Variants in PTPN4 observed in about 807,000 individuals in gnomAD.
PTPN4 encodes tyrosine-protein phosphatase non-receptor type 4.
Under a neutral mutation model 135.5 loss-of-function variants are expected in PTPN4, and 49 were observed. The observed-to-expected ratio is 0.36, with a 90% CI of 0.29 to 0.46. PTPN4 has a LOEUF of 0.46. Among genes scored for constraint, PTPN4 ranks in the 20% least tolerant of loss-of-function variants. The probability of loss-of-function intolerance (pLI) is 1.00; values close to 1 mark genes in which losing one functional copy is unlikely to be tolerated. For synonymous variants in PTPN4, 333 were observed against 369.9 expected (o/e 0.90, Z 1.14); for missense variants, 860 against 1,101.0 (o/e 0.78, Z 3.10).
At chr2:119,888,567 T>A (rs1265537165) in intron 9 of PTPN4, among the ~76,000 whole-genome samples, 1 of 152,342 alleles carries the variant, frequency 6.6e-6, no homozygotes, top group African/African-American at 2.4e-5. Flanking sequence ...GCTTTTACAA[T>A]GTCTTTTGAG....
chr2:119,848,224 A>G (rs1394443747), intron 2 of PTPN4, among the ~76,000 whole-genome samples: 3 of 142,834 alleles, frequency 2.1e-5, no homozygotes, highest in Admixed American at 7.3e-5. Flanking sequence ...CCCAGGCTGG[A>G]GTGCAGTGGC....
At chr2:119,811,134 A>G (rs1373504020) in intron 2 of PTPN4, among the ~76,000 whole-genome samples, 1 of 152,188 alleles carries the variant, frequency 6.6e-6, no homozygotes, top group African/African-American at 2.4e-5. Flanking sequence ...AATGTAAATG[A>G]TGAGTTGATG....
At chr2:119,939,988 G>A (rs1359135952) in intron 15 of PTPN4, among the ~76,000 whole-genome samples, 3 of 152,138 alleles carry the variant, frequency 2.0e-5, no homozygotes, top group Admixed American at 6.5e-5. Flanking sequence ...ACAGGTCCCC[G>A]GACACTGTAG....
rs1004545139 is a variant in PTPN4 at position 119,978,690 on chromosome 2, A to G, written c.*1620A>G. 16 of 152,070 alleles carry G rather than the reference A, an allele frequency of 1.1e-4. No homozygotes were observed. The highest frequency in any genetic ancestry group is 3.9e-4 in the African/African-American group (16 of 41,446). 9.4% of individuals were successfully genotyped at this position (152,070 alleles called of 1,614,324 possible). A position where few individuals can be genotyped will look rare whatever the true frequency, so the allele number is the denominator to read the frequency against. On this transcript the variant is annotated 3_prime_UTR_variant, in exon 27 of 27. Coordinates refer to ENST00000263708, the MANE Select transcript of PTPN4 (RefSeq NM_002830.4). Reference sequence around the variant, plus strand: ...TATTTTACACAATTATTTTATGTGGATTGGGGTTTTAAAAGATTCATTTCC... The same window carrying G: ...TATTTTACACAATTATTTTATGTGGGTTGGGGTTTTAAAAGATTCATTTCC...
At chr2:119,786,971 A>G (rs926094645) in intron 1 of PTPN4, among the ~76,000 whole-genome samples, 2 of 152,178 alleles carry the variant, frequency 1.3e-5, no homozygotes, top group Admixed American at 6.5e-5. Context: ...TTTAACTACT[A>G]TACATTTGGA....
At chr2:119,844,381 T>C (rs1160721652) in intron 2 of PTPN4, among the ~76,000 whole-genome samples, 4 of 119,624 alleles carry the variant, frequency 3.3e-5, no homozygotes, top group Admixed American at 1.7e-4. Context: ...CCGGACGGGG[T>C]GGCTGCCGGG....
At chr2:119,881,660 T>C (rs1373216610) in intron 5 of PTPN4, 126 bp from the exon 6 acceptor site, 1 of 620,846 alleles carries the variant, frequency 1.6e-6, no homozygotes. Flanking sequence ...TTACATGTTT[T>C]AATATGTAAA....
intron 1 of PTPN4, among the ~76,000 whole-genome samples, chr2:119,800,669 T>G (rs1199559171): frequency 6.6e-6 from 1 of 152,194 alleles, no homozygotes; most frequent in East Asian, 1.9e-4. Flanking sequence ...TTTTCTAGTA[T>G]GTTTTCTTCT....
chr2:119,917,170 A>G (rs750799044), intron 11 of PTPN4, among the ~76,000 whole-genome samples: 2 of 152,198 alleles, frequency 1.3e-5, no homozygotes, highest in African/African-American at 2.4e-5. Flanking sequence ...AGAACTTACT[A>G]TGTGCCTGGT....
rs966189322 is a variant in PTPN4, at chr2:119,978,304, CTCATT to C, written c.*1238_*1242del. On this transcript the variant is annotated 3_prime_UTR_variant, in exon 27 of 27. Transcript: ENST00000263708. The stretch of plus-strand genomic sequence containing the variant: ...ATAACTAAAATATTATTCTTTAGCA[CTCATT>C]TCAGTTAATATCAAGCTTTGTTCAC... 1 of 152,106 alleles carries C rather than the reference CTCATT, an allele frequency of 6.6e-6. No individual in the cohort carries two copies. The highest frequency in any genetic ancestry group is 2.4e-5 in the African/African-American group (1 of 41,414). 9.4% of individuals were successfully genotyped at this position (152,106 alleles called of 1,614,324 possible).
intron 1 of PTPN4, among the ~76,000 whole-genome samples, chr2:119,765,937 C>CGT (rs1690608154): frequency 2.0e-5 from 2 of 97,826 alleles, no homozygotes; most frequent in African/African-American, 6.5e-5. Context: ...TGTGTGTGCG[C>CGT]GCGCGCATGT....
rs536350407 is a variant in PTPN4 at position 119,852,572 on chromosome 2, A to G, written c.139-9964A>G. Among the ~76,000 whole-genome samples the G allele has an allele frequency of 7.9e-4, 120 of 152,052 alleles. 1 individual carries two copies. The highest frequency in any genetic ancestry group is 2.8e-3 in the African/African-American group (116 of 41,476). On this transcript the variant is annotated intron_variant, in intron 2 of 26. Coordinates refer to ENST00000263708, the MANE Select transcript of PTPN4 (RefSeq NM_002830.4). ...TTTTAGTCTTGTTTGAGGTTTGTTA[A>G]TTTCATTGATCTTTTCAAATTGACC...
At chr2:119,891,547 A>T (rs1045525644) in intron 9 of PTPN4, among the ~76,000 whole-genome samples, 1 of 152,004 alleles carries the variant, frequency 6.6e-6, no homozygotes, top group African/African-American at 2.4e-5. Flanking sequence ...CTGGTCTCGA[A>T]CTCCTGACCT....
intron 1 of PTPN4, among the ~76,000 whole-genome samples, chr2:119,761,016 C>T (rs1401434536): frequency 6.6e-6 from 1 of 152,000 alleles, no homozygotes; most frequent in African/African-American, 2.4e-5. Context: ...TATGTCTGGG[C>T]TTGCATCATG....
intron 11 of PTPN4, among the ~76,000 whole-genome samples, chr2:119,918,460 A>T (rs757269821): frequency 2.0e-5 from 3 of 152,256 alleles, no homozygotes; most frequent in Non-Finnish European, 2.9e-5. Context: ...TGATAGAAAT[A>T]TATGCCAGTG....
chr2:119,783,494 C>G (rs1346058147), intron 1 of PTPN4, among the ~76,000 whole-genome samples: 29 of 152,142 alleles, frequency 1.9e-4, no homozygotes, highest in Admixed American at 1.9e-3. Flanking sequence ...GCAAACCTTA[C>G]AAATAGTAAT....
At chr2:119,833,194 T>C (rs762879347) in intron 2 of PTPN4, among the ~76,000 whole-genome samples, 3 of 152,100 alleles carry the variant, frequency 2.0e-5, no homozygotes, top group Non-Finnish European at 4.4e-5. Context: ...TGTGGTATGG[T>C]GCAGTTTGGA....
intron 25 of PTPN4, among the ~76,000 whole-genome samples, chr2:119,967,403 C>T (rs548271237): frequency 1.3e-5 from 2 of 151,860 alleles, no homozygotes; most frequent in Admixed American, 6.6e-5. Flanking sequence ...GAGCCGAGAT[C>T]GCACCACTGC....
chr2:119,844,771 G>A (rs1375563683), intron 2 of PTPN4, among the ~76,000 whole-genome samples: 1 of 142,418 alleles, frequency 7.0e-6, no homozygotes, highest in Non-Finnish European at 1.5e-5. Context: ...TTTCCAGACT[G>A]GGCAGCCAGG....
Sources: gnomAD v4.1 joint callset for allele counts (sites outside exome capture counted in the v4.1 genomes callset) on GRCh38, gnomAD v4.1.1 for gene constraint, MANE v1.5 for transcripts, NCBI Gene and HGNC (gene_info 2026-07-23, HGNC 2026-07-21) for gene names.